The following TSKS variants were observed in gnomAD, a reference collection of about 807,000 sequenced individuals.
TSKS encodes testis-specific serine kinase substrate.
A neutral mutation model predicts 68.0 loss-of-function variants in TSKS; 27 were observed. That is an observed-to-expected ratio of 0.40 (90% CI 0.29 to 0.55). The LOEUF is 0.55. Ranked by LOEUF, TSKS falls within the 20% of genes least tolerant of loss-of-function variation. The pLI, the probability that TSKS is intolerant of heterozygous loss-of-function variation, is 0.53. For synonymous variants in TSKS, 331 were observed against 340.4 expected (o/e 0.97, Z 0.30); for missense variants, 806 against 776.0 (o/e 1.04, Z -0.46).
intron 7 of TSKS, 136 bp downstream of exon 7, chr19:49,745,066 G>A (rs980979669): frequency 8.0e-5 from 67 of 840,758 alleles, no homozygotes; most frequent in Non-Finnish European, 1.1e-4. Context: ...TCTAATTGGT[G>A]TTTCCCGATG....
chr19:49,749,990 T>G (rs2084335730), intron 2 of TSKS, among the ~76,000 whole-genome samples: 2 of 152,102 alleles, frequency 1.3e-5, no homozygotes, highest in African/African-American at 2.4e-5. Flanking sequence ...AGTCAATTTC[T>G]GAGTCATCCC....
chr19:49,756,941 T>G (rs1171110131), intron 2 of TSKS, among the ~76,000 whole-genome samples: 1 of 152,186 alleles, frequency 6.6e-6, no homozygotes, highest in Non-Finnish European at 1.5e-5. Flanking sequence ...ACACCTGTAA[T>G]GCCAGCTACT....
intron 9 of TSKS, among the ~76,000 whole-genome samples, chr19:49,740,898 G>T (rs1384173257): frequency 6.9e-6 from 1 of 144,448 alleles, no homozygotes; most frequent in Non-Finnish European, 1.5e-5. Context: ...AAAAAAAAAG[G>T]CCGGGCGCAG....
chr19:49,747,032 T>TC, intron 5 of TSKS: 9 of 1,277,730 alleles, frequency 7.0e-6, no homozygotes, highest in Non-Finnish European at 8.5e-6. Context: ...CACCCGGCCC[T>TC]CCAAGCCCTC....
intron 2 of TSKS, among the ~76,000 whole-genome samples, chr19:49,761,700 T>A (rs929776926): frequency 2.6e-5 from 4 of 151,930 alleles, no homozygotes; most frequent in Non-Finnish European, 5.9e-5. Flanking sequence ...ACGGGGGCTC[T>A]CGCCTGTAAT....
At chr19:49,751,005 G>A (rs2084345294) in intron 2 of TSKS, among the ~76,000 whole-genome samples, 4 of 151,846 alleles carry the variant, frequency 2.6e-5, no homozygotes, top group East Asian at 1.9e-4. Context: ...CAGCAAAATG[G>A]TGGATTAAAT....
At chr19:49,746,336 A>AC in intron 6 of TSKS, 134 bp downstream of exon 6, 2 of 1,050,086 alleles carry the variant, frequency 1.9e-6, no homozygotes, top group South Asian at 3.2e-5. Context: ...CCGAGGCTCC[A>AC]CCCATGTCAC....
chr19:49,760,235 T>C (rs2084429212), intron 2 of TSKS, among the ~76,000 whole-genome samples: 1 of 152,180 alleles, frequency 6.6e-6, no homozygotes, highest in South Asian at 2.1e-4. Flanking sequence ...TCCCAGCACT[T>C]TGGGAGGCTG....
At chr19:49,753,291 G>T (rs2084365417) in intron 2 of TSKS, among the ~76,000 whole-genome samples, 1 of 152,086 alleles carries the variant, frequency 6.6e-6, no homozygotes, top group Non-Finnish European at 1.5e-5. Flanking sequence ...GGCCGGGCGT[G>T]TTGGCTCATG....
chr19:49,762,259 TGGA>T (rs2084448827), intron 1 of TSKS, 27 bp from the exon 2 acceptor site: 1 of 1,594,048 alleles, frequency 6.3e-7, no homozygotes, highest in African/African-American at 1.3e-5. Context: ...GGCAGAAAAG[TGGA>T]GAAGCAGCCC....
At chr19:49,743,855 C>T (rs1041275082) in intron 8 of TSKS, among the ~76,000 whole-genome samples, 2 of 151,514 alleles carry the variant, frequency 1.3e-5, no homozygotes, top group Non-Finnish European at 2.9e-5. Flanking sequence ...TACAGGCACG[C>T]GCCACCACGC....
chr19:49,742,980 A>G (rs2084264469), intron 8 of TSKS, among the ~76,000 whole-genome samples: 1 of 152,116 alleles, frequency 6.6e-6, no homozygotes, highest in Non-Finnish European at 1.5e-5. Context: ...CAATACACCA[A>G]GGTCTCACTT....
rs554074826 is a variant in TSKS, at chr19:49,747,851, G to GGC, written c.579+232_579+233dup. Among the ~76,000 whole-genome samples the GGC allele has an allele frequency of 1.3e-4, 20 of 152,274 alleles. No homozygotes were observed. In the Middle Eastern group the frequency reaches 0.01, roughly 78 times the overall value. On this transcript the variant is annotated intron_variant, in intron 4 of 10. Transcript: ENST00000246801. The stretch of plus-strand genomic sequence containing the variant: ...AGCCTCCCAAGTAGCTGAGATTACA[G>GGC]GCGCCCGCCACCACACCTGGCTAAT...
chr19:49,757,937 C>G (rs1009919856), intron 2 of TSKS, among the ~76,000 whole-genome samples: 7 of 146,712 alleles, frequency 4.8e-5, no homozygotes, highest in African/African-American at 1.8e-4. Flanking sequence ...TGTCACCAGG[C>G]TGGAGTGCAG....
chr19:49,752,268 C>A (rs1278362457), intron 2 of TSKS, among the ~76,000 whole-genome samples: 1 of 151,774 alleles, frequency 6.6e-6, no homozygotes. Flanking sequence ...CCTGTAGTCC[C>A]AGCTACTTGG....
rs114266072 is a variant in TSKS at position 49,747,226 on chromosome 19, C to T, written c.663+163G>A. The T allele has an allele frequency of 2.6e-3, 4,012 of 1,540,944 alleles. 68 individuals carry two copies. In the African/African-American group the frequency reaches 0.042, roughly 16 times the overall value. On this transcript the variant is annotated intron_variant, in intron 5 of 10. Coordinates refer to ENST00000246801, the MANE Select transcript of TSKS (RefSeq NM_021733.2). ...GTCCCCCATCTGGGTGTTGGAGCCT[C>T]ATTTGAATCCCTCTTATCAGCGAGT... is the stretch of plus-strand genomic sequence containing the variant.
intron 9 of TSKS, 121 bp from the exon 10 acceptor site, chr19:49,740,304 TC>T: frequency 7.9e-7 from 1 of 1,259,638 alleles, no homozygotes. Context: ...CCTCAGAGTT[TC>T]CCATCATGCC....
chr19:49,751,899 C>CAAAAAA (rs61310693), intron 2 of TSKS, among the ~76,000 whole-genome samples: 1 of 41,676 alleles, frequency 2.4e-5, no homozygotes, highest in African/African-American at 7.5e-5. Context: ...CCCAACTCTA[C>CAAAAAA]AAAAAAAAAA....
At chr19:49,749,134 AG>A (rs1424157489) in intron 2 of TSKS, among the ~76,000 whole-genome samples, 1 of 152,184 alleles carries the variant, frequency 6.6e-6, no homozygotes. Flanking sequence ...CTTTCTCTCC[AG>A]GAACTGGTGA....
Sources: gnomAD v4.1 joint callset for allele counts (sites outside exome capture counted in the v4.1 genomes callset) on GRCh38, gnomAD v4.1.1 for gene constraint, MANE v1.5 for transcripts, NCBI Gene and HGNC (gene_info 2026-07-23, HGNC 2026-07-21) for gene names.